The following IER3IP1 variants were observed in gnomAD, a reference collection of about 807,000 sequenced individuals.
The protein encoded by IER3IP1 is immediate early response 3 interacting protein 1, also known as immediate early response 3-interacting protein 1.
In IER3IP1, 16 loss-of-function variants were observed where a neutral mutation model predicts 12.2. That is an observed-to-expected ratio of 1.31 (90% CI 0.89 to 1.99). IER3IP1 has a LOEUF of 1.99. IER3IP1 is among the 30% of genes most tolerant of loss of function. The pLI is 0.00. For synonymous variants in IER3IP1, 42 were observed against 40.0 expected, an observed-to-expected ratio of 1.05 and a Z score of -0.19; for missense variants, 95 against 95.8, an observed-to-expected ratio of 0.99 and a Z score of 0.03.
rs959565901 is a variant in IER3IP1, at chr18:47,159,986, G to A, written c.92-2449C>T. On this transcript the variant is annotated intron_variant, in intron 1 of 2. Transcript: ENST00000256433. ...CAAGGTGGGCGGATCACCTGAGGTC[G>A]GGAGTTCGAGACCAGCCTGACCAAC... 2.6e-5 allele frequency among the ~76,000 whole-genome samples: 4 copies of A among 151,940 alleles called. No individual in the cohort carries two copies. In the East Asian group the frequency reaches 5.8e-4, roughly 22 times the overall value.
At chr18:47,161,032 C>T (rs976784026) in intron 1 of IER3IP1, among the ~76,000 whole-genome samples, 3 of 152,056 alleles carry the variant, frequency 2.0e-5, no homozygotes, top group Admixed American at 6.6e-5. Flanking sequence ...GCAATTTGTC[C>T]TTCTCTTGTC....
Position 47,174,530 on chromosome 18 carries a change from T to C in IER3IP1, c.91+1657A>G, listed in dbSNP as rs1239115563. On this transcript the variant is annotated intron_variant, in intron 1 of 2. Coordinates refer to ENST00000256433, the MANE Select transcript of IER3IP1 (RefSeq NM_016097.5). Reference sequence around the variant, plus strand: ...CTACAAATACAAAAATTAGCCAGGCTTGGTGGTGCGTGCCTGTAATCCCAG... The same window carrying C: ...CTACAAATACAAAAATTAGCCAGGCCTGGTGGTGCGTGCCTGTAATCCCAG... 2.6e-5 allele frequency among the ~76,000 whole-genome samples: 4 copies of C among 151,968 alleles called. No homozygotes were observed. In the East Asian group the frequency reaches 7.7e-4, roughly 29 times the overall value.
chr18:47,157,471 A>T lies in IER3IP1; in HGVS notation c.158T>A (p.Met53Lys), dbSNP rs968915916. Reference protein sequence around the residue: ...GEEPGIKSQLMNLIRSVRTVM... With the variant: ...GEEPGIKSQLKNLIRSVRTVM... ...GGTTCTTACAGATCGAATAAGGTTCATTAGCTGTGATTTAATTCCCGGCTC... is the reference window on the plus strand; with the variant it reads ...GGTTCTTACAGATCGAATAAGGTTCTTTAGCTGTGATTTAATTCCCGGCTC... The change falls in exon 2 of 3, where the codon ATG becomes AAG. Residue 53 changes from methionine to lysine, a missense_variant. By Grantham distance (95) the Met-to-Lys change is moderately conservative. Coordinates refer to ENST00000256433, the MANE Select transcript of IER3IP1 (RefSeq NM_016097.5). The T allele has an allele frequency of 1.2e-6, 2 of 1,614,108 alleles. No individual in the cohort carries two copies. The highest frequency in any genetic ancestry group is 1.7e-6 in the Non-Finnish European group (2 of 1,179,998).
intron 1 of IER3IP1, 40 bp from the exon 2 acceptor site, chr18:47,157,577 A>T: frequency 6.5e-7 from 1 of 1,546,680 alleles, no homozygotes; most frequent in Non-Finnish European, 8.9e-7. Flanking sequence ...AAGTTATTAC[A>T]CACTTGCCTT....
chr18:47,164,405 A>G lies in IER3IP1; in HGVS notation c.92-6868T>C, dbSNP rs73954245. On this transcript the variant is annotated intron_variant, in intron 1 of 2. Coordinates refer to ENST00000256433, the MANE Select transcript of IER3IP1 (RefSeq NM_016097.5). ...CAGGGATTATCTTTTACTAAAACAA[A>G]TAGTTTACCCTCCAACTGCTATATA... Among the ~76,000 whole-genome samples the G allele has an allele frequency of 5.2e-3, 788 of 152,312 alleles. 7 individuals carry two copies. The highest frequency in any genetic ancestry group is 0.018 in the African/African-American group (754 of 41,558).
intron 1 of IER3IP1, among the ~76,000 whole-genome samples, chr18:47,160,011 C>A (rs1407400363): frequency 6.6e-6 from 1 of 152,148 alleles, no homozygotes; most frequent in Non-Finnish European, 1.5e-5. Context: ...GCCTGACCAA[C>A]ATGGAGAAAC....
chr18:47,176,142 G>C (rs768908587), intron 1 of IER3IP1, 45 bp downstream of exon 1: 1 of 1,512,966 alleles, frequency 6.6e-7, no homozygotes, highest in South Asian at 1.2e-5. Flanking sequence ...CGCGCCCCCG[G>C]GGACTCCGCC....
At chr18:47,166,212 T>C (rs936140935) in intron 1 of IER3IP1, among the ~76,000 whole-genome samples, 2 of 152,194 alleles carry the variant, frequency 1.3e-5, no homozygotes, top group African/African-American at 2.4e-5. Flanking sequence ...TTTATAAGAA[T>C]ACACATATCC....
chr18:47,156,235 G>C lies in IER3IP1; in HGVS notation c.194-3C>G. 1 of 1,513,176 alleles carries C rather than the reference G, an allele frequency of 6.6e-7. No individual in the cohort carries two copies. The highest frequency in any genetic ancestry group is 9.1e-7 in the Non-Finnish European group (1 of 1,099,244). 93.7% of individuals were successfully genotyped at this position (1,513,176 alleles called of 1,614,324 possible). A position where few individuals can be genotyped will look rare whatever the true frequency, so the allele number is the denominator to read the frequency against. On this transcript the variant is annotated splice_region_variant and splice_polypyrimidine_tract_variant and intron_variant, in intron 2 of 2. Transcript: ENST00000256433. ...TGAGTTTACTATTATCAATGGCACTGTAAAGAGAAAAAAAAAAGTTTGTTA... is the reference window on the plus strand; with the variant it reads ...TGAGTTTACTATTATCAATGGCACTCTAAAGAGAAAAAAAAAAGTTTGTTA...
chr18:47,160,102 G>A lies in IER3IP1; in HGVS notation c.92-2565C>T, dbSNP rs142811956. Among the ~76,000 whole-genome samples, 786 of 152,174 alleles carry A rather than the reference G, an allele frequency of 5.2e-3. 7 individuals are homozygous for A. Among genetic ancestry groups the A allele is most frequent in the African/African-American group, 0.018 (752 of 41,504 alleles). On this transcript the variant is annotated intron_variant, in intron 1 of 2. Transcript: ENST00000256433. Reference sequence around the variant, plus strand: ...CCCAGATACTCAGGAGGCCGAGGCAGGAGAATTGCTTGAACCCGGGAGGTG... The same window carrying A: ...CCCAGATACTCAGGAGGCCGAGGCAAGAGAATTGCTTGAACCCGGGAGGTG...
At chr18:47,168,149 AAAAAAAT>A (rs2064002552) in intron 1 of IER3IP1, among the ~76,000 whole-genome samples, 3 of 140,804 alleles carry the variant, frequency 2.1e-5, no homozygotes, top group Admixed American at 7.1e-5. Flanking sequence ...AAAAAAAAAA[AAAAAAAT>A]TTTAGCTAGG....
chr18:47,164,118 G>A (rs996592599), intron 1 of IER3IP1, among the ~76,000 whole-genome samples: 6 of 151,512 alleles, frequency 4.0e-5, no homozygotes, highest in Admixed American at 3.3e-4. Context: ...TCACATGTGA[G>A]ATGAGTGACT....
chr18:47,176,364 C>G lies in IER3IP1; in HGVS notation c.-87G>C. The G allele has an allele frequency of 6.6e-6, 8 of 1,210,986 alleles. No individual in the cohort carries two copies. The highest frequency in any genetic ancestry group is 9.4e-6 in the Non-Finnish European group (8 of 846,780). 75.0% of individuals were successfully genotyped at this position (1,210,986 alleles called of 1,614,324 possible). A position where few individuals can be genotyped will look rare whatever the true frequency, so the allele number is the denominator to read the frequency against. On this transcript the variant is annotated 5_prime_UTR_variant, in exon 1 of 3. Transcript: ENST00000256433. ...CGCCTCCACGGCCGGCGCCTTCCTA[C>G]GGAAGCCGATGGGGCCCAAAACGAA... is the stretch of plus-strand genomic sequence containing the variant.
chr18:47,166,572 G>C (rs994542450), intron 1 of IER3IP1, among the ~76,000 whole-genome samples: 1 of 152,128 alleles, frequency 6.6e-6, no homozygotes, highest in Non-Finnish European at 1.5e-5. Context: ...CCTTATGGTA[G>C]GCTTGTAAAT....
At chr18:47,159,847 T>A (rs1487210727) in intron 1 of IER3IP1, among the ~76,000 whole-genome samples, 1 of 152,170 alleles carries the variant, frequency 6.6e-6, no homozygotes, top group Non-Finnish European at 1.5e-5. Flanking sequence ...CACTTGCTCT[T>A]TTTGAAATTC....
chr18:47,157,317 T>C (rs995455081), intron 2 of IER3IP1, 119 bp downstream of exon 2: 1 of 768,252 alleles, frequency 1.3e-6, no homozygotes, highest in East Asian at 2.7e-5. Context: ...AGCAAAGCCA[T>C]GTTAAAGAGA....
chr18:47,171,280 T>G (rs1442310710), intron 1 of IER3IP1, among the ~76,000 whole-genome samples: 2 of 152,232 alleles, frequency 1.3e-5, no homozygotes, highest in Admixed American at 6.5e-5. Flanking sequence ...TCTGCCAGTA[T>G]TTCGTTGAGA....
At chr18:47,175,995 G>A (rs1480145996) in intron 1 of IER3IP1, among the ~76,000 whole-genome samples, 192 bp downstream of exon 1, 1 of 152,128 alleles carries the variant, frequency 6.6e-6, no homozygotes, top group Non-Finnish European at 1.5e-5. Flanking sequence ...CTGCACAGCG[G>A]GTGTCTGTTG....
intron 1 of IER3IP1, among the ~76,000 whole-genome samples, chr18:47,159,923 C>T (rs1263260412): frequency 2.6e-5 from 4 of 152,064 alleles, no homozygotes; most frequent in African/African-American, 7.2e-5. Context: ...TGGCCGGGCG[C>T]GGTGGCTCAC....
Sources: gnomAD v4.1 joint callset for allele counts (sites outside exome capture counted in the v4.1 genomes callset) on GRCh38, gnomAD v4.1.1 for gene constraint, MANE v1.5 for transcripts, NCBI Gene and HGNC (gene_info 2026-07-23, HGNC 2026-07-21) for gene names.